Variants in ERFL observed in about 807,000 individuals in gnomAD.
ERFL encodes the protein ETS domain-containing transcription factor ERF-like.
ERFL carries 8 observed loss-of-function variants against 27.9 expected under a neutral mutation model. The observed-to-expected ratio is 0.29, with a 90% CI of 0.17 to 0.52. The LOEUF (loss-of-function observed/expected upper bound fraction) is 0.52, where lower values mean the gene tolerates loss of function less well. Ranked by LOEUF, ERFL falls within the 20% of genes least tolerant of loss-of-function variation. The pLI is 0.97. For missense variants in ERFL, 294 were observed against 444.4 expected (o/e 0.66, Z 3.04); for synonymous variants, 174 against 202.8 (o/e 0.86, Z 1.21).
At chr19:41,926,867 C>T (rs880000615) in intron 1 of ERFL, among the ~76,000 whole-genome samples, 5 of 151,878 alleles carry the variant, frequency 3.3e-5, no homozygotes, top group Non-Finnish European at 7.4e-5. Context: ...TTAATCTGAG[C>T]GGAAACCAGC....
chr19:41,913,428 C>T (rs1473762815), intron 1 of ERFL, among the ~76,000 whole-genome samples: 2 of 151,884 alleles, frequency 1.3e-5, no homozygotes, highest in Non-Finnish European at 2.9e-5. Flanking sequence ...AACTTGCCCC[C>T]ACACCCGCCC....
intron 1 of ERFL, chr19:41,923,219 T>C (rs781995091): frequency 4.4e-6 from 2 of 455,882 alleles, no homozygotes; most frequent in Non-Finnish European, 4.4e-6. Flanking sequence ...GAGGTGAGCC[T>C]GGACTTGAAT....
At chr19:41,919,377 C>T (rs563548540) in intron 1 of ERFL, among the ~76,000 whole-genome samples, 16 of 152,288 alleles carry the variant, frequency 1.1e-4, no homozygotes, top group African/African-American at 3.9e-4. Context: ...CAAACATACA[C>T]AATCAAACAT....
In ERFL at chr19:41,918,800, TAC is replaced by T. The variant is rs1339674304; in HGVS notation, c.-13-5870_-13-5869del. 6.1e-5 allele frequency among the ~76,000 whole-genome samples: 8 copies of T among 131,390 alleles called. No individual in the cohort carries two copies. The South Asian group carries it at 7.5e-4, about 12-fold the overall frequency. 86.2% of individuals were successfully genotyped at this position (131,390 alleles called of 152,430 possible). On this transcript the variant is annotated intron_variant, in intron 1 of 5. Coordinates refer to ENST00000597630, the MANE Select transcript of ERFL (RefSeq NM_001365103.2). ...CATACCACACACTGCATACACACCA[TAC>T]ACACACACCACATCACTCTCACATA...
chr19:41,925,456 TAGTGAGAGAC>T (rs1489561254), intron 1 of ERFL, among the ~76,000 whole-genome samples: 3 of 151,888 alleles, frequency 2.0e-5, no homozygotes, highest in Non-Finnish European at 2.9e-5. Context: ...ATGTTGTGTA[TAGTGAGAGAC>T]AGTGAGAGAC....
At chr19:41,920,848 C>T (rs1475775426) in intron 1 of ERFL, among the ~76,000 whole-genome samples, 1 of 152,224 alleles carries the variant, frequency 6.6e-6, no homozygotes, top group Admixed American at 6.5e-5. Flanking sequence ...GGGGAGGCTC[C>T]AGGCCAGAGA....
Position 41,923,243 on chromosome 19 carries a change from ACT to A in ERFL, c.-14+4795_-14+4796del, listed in dbSNP as rs1213776514. On this transcript the variant is annotated intron_variant, in intron 1 of 5. Coordinates refer to ENST00000597630, the MANE Select transcript of ERFL (RefSeq NM_001365103.2). ...CTGGACTTGAATGCAGGTCAGTATGACTCTAGGCCCCCGATATTTGTACTGTC... is the reference window on the plus strand; with the variant it reads ...CTGGACTTGAATGCAGGTCAGTATGACTAGGCCCCCGATATTTGTACTGTC... The A allele has an allele frequency of 6.6e-6, 3 of 451,586 alleles. No individual in the cohort carries two copies. The Admixed American group carries it at 7.2e-5, about 11-fold the overall frequency. The allele number at this position is 451,586 out of a possible 1,614,324, so 28.0% of individuals were successfully genotyped here. A position where few individuals can be genotyped will look rare whatever the true frequency, so the allele number is the denominator to read the frequency against.
chr19:41,912,090 G>A (rs182482216), intron 2 of ERFL, among the ~76,000 whole-genome samples: 337 of 152,212 alleles, frequency 2.2e-3, no homozygotes, highest in African/African-American at 7.6e-3. Flanking sequence ...CACAGTCGGA[G>A]AGCTGGCAGA....
Position 41,908,783 on chromosome 19 carries a change from A to C in ERFL, c.617-107T>G. 1.8e-6 allele frequency: 1 copy of C among 552,668 alleles called. No homozygotes were observed. Among genetic ancestry groups the C allele is most frequent in the Non-Finnish European group, 2.7e-6 (1 of 368,766 alleles). The allele number at this position is 552,668 out of a possible 1,614,324, so 34.2% of individuals were successfully genotyped here. A position where few individuals can be genotyped will look rare whatever the true frequency, so the allele number is the denominator to read the frequency against. On this transcript the variant is annotated intron_variant, in intron 5 of 5. Coordinates refer to ENST00000597630, the MANE Select transcript of ERFL (RefSeq NM_001365103.2). This position sits in a 1 kb window ranked among gnomAD's most constrained non-coding sequence, Gnocchi z 6.7. ...CACCCCATCTCCCCGCATCCCTCCTACATGGCATCTTACCCCCTCATACAG... is the reference window on the plus strand; with the variant it reads ...CACCCCATCTCCCCGCATCCCTCCTCCATGGCATCTTACCCCCTCATACAG...
intron 1 of ERFL, among the ~76,000 whole-genome samples, chr19:41,919,820 T>TG (rs1254534098): frequency 2.0e-5 from 3 of 152,036 alleles, no homozygotes; most frequent in African/African-American, 7.3e-5. Context: ...AGGCCTACCC[T>TG]GCACAGCCAC....
At chr19:41,913,709 C>A (rs1370668731) in intron 1 of ERFL, among the ~76,000 whole-genome samples, 1 of 151,156 alleles carries the variant, frequency 6.6e-6, no homozygotes, top group Admixed American at 6.6e-5. Context: ...TCAGACACTC[C>A]CTCTCCCTAG....
intron 1 of ERFL, among the ~76,000 whole-genome samples, chr19:41,914,043 G>A (rs2074770968): frequency 7.5e-6 from 1 of 133,740 alleles, no homozygotes; most frequent in African/African-American, 2.9e-5. Context: ...CTCAGACCCT[G>A]GCAGCCCACA....
At chr19:41,915,171 T>C (rs532879464) in intron 1 of ERFL, among the ~76,000 whole-genome samples, 1 of 104,992 alleles carries the variant, frequency 9.5e-6, no homozygotes. Flanking sequence ...TCCGTGTTGG[T>C]TTTGATTTCT....
rs1372647668 is a variant in ERFL, at chr19:41,917,512, C to T, written c.-13-4580G>A. On this transcript the variant is annotated intron_variant, in intron 1 of 5. Coordinates refer to ENST00000597630, the MANE Select transcript of ERFL (RefSeq NM_001365103.2). This position sits in a 1 kb window ranked among gnomAD's most constrained non-coding sequence, Gnocchi z 4.8. The stretch of plus-strand genomic sequence containing the variant: ...CCACCTCCCCTTAACACAATCTGCA[C>T]AATCGGAATGAAAATTGATTTTTTT... Among the ~76,000 whole-genome samples the T allele has an allele frequency of 2.0e-5, 3 of 150,668 alleles. No homozygotes were observed. Among genetic ancestry groups the T allele is most frequent in the Non-Finnish European group, 4.4e-5 (3 of 67,706 alleles).
chr19:41,919,371 C>T (rs2074823910), intron 1 of ERFL, among the ~76,000 whole-genome samples: 1 of 152,180 alleles, frequency 6.6e-6, no homozygotes, highest in African/African-American at 2.4e-5. Flanking sequence ...ACCACACAAA[C>T]ATACACAATC....
chr19:41,927,566 C>T (rs1416757495), intron 1 of ERFL, among the ~76,000 whole-genome samples: 1 of 152,114 alleles, frequency 6.6e-6, no homozygotes, highest in Non-Finnish European at 1.5e-5. Flanking sequence ...CTAGATCTTC[C>T]GCCCCAAGTG....
intron 1 of ERFL, among the ~76,000 whole-genome samples, chr19:41,920,408 T>A (rs1447660556): frequency 8.0e-6 from 1 of 124,702 alleles, no homozygotes; most frequent in Non-Finnish European, 1.6e-5. Context: ...TGTGACACAC[T>A]CACAGACATG....
intron 1 of ERFL, among the ~76,000 whole-genome samples, chr19:41,918,069 G>T (rs2074812785): frequency 6.6e-6 from 1 of 151,814 alleles, no homozygotes; most frequent in Non-Finnish European, 1.5e-5. Context: ...GGGTGATGTG[G>T]GGTTTCCTGC....
chr19:41,914,895 T>C (rs111067341), intron 1 of ERFL, among the ~76,000 whole-genome samples: 6,352 of 14,878 alleles, frequency 0.43, 2,044 homozygotes, highest in African/African-American at 0.72. Context: ...CCATCATCTC[T>C]GTCTCTGTCT....
Sources: gnomAD v4.1 joint callset for allele counts (sites outside exome capture counted in the v4.1 genomes callset) on GRCh38, gnomAD v4.1.1 for gene constraint, Gnocchi (gnomAD v3.1) non-coding constraint, MANE v1.5 for transcripts, NCBI Gene and HGNC (gene_info 2026-07-23, HGNC 2026-07-21) for gene names.